The following CSMD1 variants were observed in gnomAD, a reference collection of about 807,000 sequenced individuals.
CSMD1 encodes CUB and sushi domain-containing protein 1.
In CSMD1, 213 loss-of-function variants were observed where a neutral mutation model predicts 417.5. The observed-to-expected ratio is 0.51, with a 90% CI of 0.46 to 0.57. The LOEUF (loss-of-function observed/expected upper bound fraction) is 0.57, where lower values mean the gene tolerates loss of function less well. Among genes scored for constraint, CSMD1 ranks in the 20% least tolerant of loss-of-function variants. The pLI is 0.00. For synonymous variants in CSMD1, 2,862 were observed against 1,736.8 expected (o/e 1.65, Z -16.11); for missense variants, 6,923 against 4,529.7 (o/e 1.53, Z -15.17).
chr8:4,423,530 C>A (rs765756214), intron 2 of CSMD1, among the ~76,000 whole-genome samples: 8 of 151,906 alleles, frequency 5.3e-5, no homozygotes, highest in African/African-American at 1.2e-4. Context: ...GTACACAACA[C>A]TGAAGAAAAA....
chr8:4,670,863 G>A (rs1215730429), intron 1 of CSMD1, among the ~76,000 whole-genome samples: 2 of 152,164 alleles, frequency 1.3e-5, no homozygotes, highest in Admixed American at 6.5e-5. Context: ...GTGTTTGGTG[G>A]TGGCATGTTT....
At chr8:3,734,388 G>A (rs990992124) in intron 6 of CSMD1, among the ~76,000 whole-genome samples, 1 of 152,172 alleles carries the variant, frequency 6.6e-6, no homozygotes, top group Non-Finnish European at 1.5e-5. Context: ...CTTCTGCCTG[G>A]AAGCATTGGG....
intron 40 of CSMD1, among the ~76,000 whole-genome samples, chr8:3,146,959 C>T (rs974241469): frequency 6.6e-6 from 1 of 152,128 alleles, no homozygotes; most frequent in African/African-American, 2.4e-5. Flanking sequence ...ATTCATAATA[C>T]CCAATAAAAT....
chr8:4,206,968 G>A (rs542503844), intron 3 of CSMD1, among the ~76,000 whole-genome samples: 2 of 152,184 alleles, frequency 1.3e-5, no homozygotes, highest in Non-Finnish European at 2.9e-5. Flanking sequence ...TCATATAGAT[G>A]TGGATAAAAT....
At chr8:4,258,921 G>A (rs941678666) in intron 3 of CSMD1, among the ~76,000 whole-genome samples, 1 of 152,146 alleles carries the variant, frequency 6.6e-6, no homozygotes, top group African/African-American at 2.4e-5. Context: ...CTAAGACTAT[G>A]TTATAGACAA....
At chr8:4,947,575 A>G (rs1156553620) in intron 1 of CSMD1, among the ~76,000 whole-genome samples, 2 of 152,132 alleles carry the variant, frequency 1.3e-5, no homozygotes, top group African/African-American at 2.4e-5. Context: ...AACTTGTATG[A>G]AAAATTTGAA....
intron 23 of CSMD1, among the ~76,000 whole-genome samples, chr8:3,335,143 C>T (rs1807171392): frequency 6.6e-6 from 1 of 152,148 alleles, no homozygotes; most frequent in Non-Finnish European, 1.5e-5. Context: ...GGACATCCTA[C>T]ACCACTATGT....
At chr8:3,906,680 AC>A (rs1351402528) in intron 5 of CSMD1, among the ~76,000 whole-genome samples, 4 of 152,086 alleles carry the variant, frequency 2.6e-5, no homozygotes, top group African/African-American at 7.2e-5. Context: ...AGAGAAAATA[AC>A]TATGTTTTAT....
intron 10 of CSMD1, among the ~76,000 whole-genome samples, chr8:3,560,054 T>G (rs147001256): frequency 6.6e-6 from 1 of 152,046 alleles, no homozygotes; most frequent in South Asian, 2.1e-4. Flanking sequence ...TGAGAGACAA[T>G]TGATTTTTTT....
At chr8:3,656,793 G>C (rs1798133361) in intron 7 of CSMD1, among the ~76,000 whole-genome samples, 1 of 152,008 alleles carries the variant, frequency 6.6e-6, no homozygotes, top group South Asian at 2.1e-4. Flanking sequence ...AGATGTGGTG[G>C]GCATCCCTGT....
intron 1 of CSMD1, among the ~76,000 whole-genome samples, chr8:4,797,692 A>T (rs1235481844): frequency 6.6e-6 from 1 of 152,216 alleles, no homozygotes; most frequent in African/African-American, 2.4e-5. Flanking sequence ...TTTCCTTAAG[A>T]TTCACAAGCA....
chr8:3,668,211 T>G (rs1320981072), intron 7 of CSMD1, among the ~76,000 whole-genome samples: 2 of 152,072 alleles, frequency 1.3e-5, no homozygotes, highest in African/African-American at 4.8e-5. Context: ...GGGAACATAG[T>G]AAAACTGACA....
intron 5 of CSMD1, among the ~76,000 whole-genome samples, chr8:3,782,218 A>G (rs1339343762): frequency 6.6e-6 from 1 of 152,206 alleles, no homozygotes; most frequent in Non-Finnish European, 1.5e-5. Flanking sequence ...GGCATAGGAC[A>G]GAATCTATGT....
At chr8:3,944,624 G>A (rs184815289) in intron 5 of CSMD1, among the ~76,000 whole-genome samples, 38 of 152,218 alleles carry the variant, frequency 2.5e-4, no homozygotes, top group Admixed American at 2.2e-3. Flanking sequence ...TTCACCAACA[G>A]AGACTTTTCC....
chr8:4,341,512 C>T (rs1056847867), intron 3 of CSMD1, among the ~76,000 whole-genome samples: 3 of 151,962 alleles, frequency 2.0e-5, no homozygotes, highest in African/African-American at 7.2e-5. Flanking sequence ...TGAATGTGGC[C>T]CTTTCTAGGA....
chr8:4,196,783 A>C (rs1344874507), intron 3 of CSMD1, among the ~76,000 whole-genome samples: 1 of 152,030 alleles, frequency 6.6e-6, no homozygotes, highest in East Asian at 1.9e-4. Flanking sequence ...TTTTCCCATA[A>C]AGCAACCTAT....
Position 2,971,858 on chromosome 8 carries a change from A to T in CSMD1, c.8923+1259T>A, listed in dbSNP as rs111783718. On this transcript the variant is annotated intron_variant, in intron 57 of 69. Transcript: ENST00000635120. ...TAATCAGTGGTATTTGACCTAAGAC[A>T]ACTTTTTTAGGGCCTAGTCTTAAGA... 2.1e-3 allele frequency among the ~76,000 whole-genome samples: 326 copies of T among 152,278 alleles called. 1 individual carries two copies. Among genetic ancestry groups the T allele is most frequent in the African/African-American group, 7.5e-3 (313 of 41,568 alleles).
chr8:4,341,418 G>C (rs1005760352), intron 3 of CSMD1, among the ~76,000 whole-genome samples: 1 of 152,066 alleles, frequency 6.6e-6, no homozygotes, highest in Non-Finnish European at 1.5e-5. Context: ...AAATGTAGAG[G>C]AAAATGTTTG....
intron 1 of CSMD1, among the ~76,000 whole-genome samples, chr8:4,805,841 C>T (rs2117307076): frequency 6.6e-6 from 1 of 152,236 alleles, no homozygotes; most frequent in Non-Finnish European, 1.5e-5. Context: ...AGTGGAAGCT[C>T]ATTGTGGGAT....
Sources: gnomAD v4.1 joint callset for allele counts (sites outside exome capture counted in the v4.1 genomes callset) on GRCh38, gnomAD v4.1.1 for gene constraint, MANE v1.5 for transcripts, NCBI Gene and HGNC (gene_info 2026-07-23, HGNC 2026-07-21) for gene names.